The following RUVBL1 variants were observed in gnomAD, a reference collection of about 807,000 sequenced individuals.
RUVBL1 encodes the protein RuvB like AAA ATPase 1.
RUVBL1 carries 4 observed loss-of-function variants against 52.4 expected under a neutral mutation model. The observed-to-expected ratio is 0.08, with a 90% CI of 0.04 to 0.17. The LOEUF (loss-of-function observed/expected upper bound fraction) is 0.17. Ranked by LOEUF, RUVBL1 falls within the 10% of genes least tolerant of loss-of-function variation. The probability of loss-of-function intolerance (pLI) is 1.00; values close to 1 mark genes in which losing one functional copy is unlikely to be tolerated. For missense variants in RUVBL1, 298 were observed against 572.8 expected, an observed-to-expected ratio of 0.52 and a Z score of 4.90; for synonymous variants, 217 against 214.4, an observed-to-expected ratio of 1.01 and a Z score of -0.10.
chr3:128,090,932 A>C (rs916155887), intron 8 of RUVBL1, among the ~76,000 whole-genome samples: 1 of 152,216 alleles, frequency 6.6e-6, no homozygotes, highest in Non-Finnish European at 1.5e-5. Context: ...TTAAAGAAGA[A>C]AAGGTTAGAG....
Position 128,081,125 on chromosome 3 carries a change from C to T in RUVBL1, c.*125G>A. On this transcript the variant is annotated 3_prime_UTR_variant, in exon 11 of 11. Transcript: ENST00000322623. This position sits in a 1 kb window ranked among gnomAD's most constrained non-coding sequence, Gnocchi z 4.8. ...AAAAAGAAATGCTTTCCACACTGAA[C>T]TGACAGCGCTGCAGACCACGCCTGA... 1 of 881,130 alleles carries T rather than the reference C, an allele frequency of 1.1e-6. No homozygotes were observed. The highest frequency in any genetic ancestry group is 1.7e-6 in the Non-Finnish European group (1 of 574,148). 54.6% of individuals were successfully genotyped at this position (881,130 alleles called of 1,614,324 possible).
At chr3:128,112,495 C>T (rs965899921) in intron 3 of RUVBL1, among the ~76,000 whole-genome samples, 8 of 152,146 alleles carry the variant, frequency 5.3e-5, no homozygotes, top group African/African-American at 1.9e-4. Flanking sequence ...TCTTCTGGCT[C>T]GCCATCCAGG....
At chr3:128,101,753 T>C in intron 4 of RUVBL1, 105 bp from the exon 5 acceptor site, 3 of 1,153,894 alleles carry the variant, frequency 2.6e-6, no homozygotes, top group East Asian at 4.7e-5. Context: ...AGCAGGTGCA[T>C]GGAGAAAGCC....
chr3:128,072,970 C>G (rs967130382), intron 9 of RUVBL1, among the ~76,000 whole-genome samples: 1 of 152,210 alleles, frequency 6.6e-6, no homozygotes, highest in Non-Finnish European at 1.5e-5. Context: ...GTCCCAGCCA[C>G]TTCCTACATG....
In RUVBL1 at chr3:128,081,550, G is replaced by A; in HGVS notation, c.1212-141C>T. On this transcript the variant is annotated intron_variant, in intron 10 of 10. Transcript: ENST00000322623. This position sits in a 1 kb window ranked among gnomAD's most constrained non-coding sequence, Gnocchi z 4.8. Reference sequence around the variant, plus strand: ...GCCAGCTGCTACGAACACAGAAAAGGGGAGACAAAGTTGTCACTTCTCAGA... The same window carrying A: ...GCCAGCTGCTACGAACACAGAAAAGAGGAGACAAAGTTGTCACTTCTCAGA... 2 of 840,128 alleles carry A rather than the reference G, an allele frequency of 2.4e-6. No individual in the cohort carries two copies. Among genetic ancestry groups the A allele is most frequent in the Non-Finnish European group, 3.6e-6 (2 of 551,650 alleles). 52.0% of individuals were successfully genotyped at this position (840,128 alleles called of 1,614,324 possible). A position where few individuals can be genotyped will look rare whatever the true frequency, so the allele number is the denominator to read the frequency against.
chr3:128,134,764 G>A (rs568041120), intron 1 of RUVBL1, among the ~76,000 whole-genome samples: 9 of 151,636 alleles, frequency 5.9e-5, no homozygotes, highest in South Asian at 2.1e-4. Context: ...TTGCACCACC[G>A]CACTCCAGCC....
chr3:128,152,871 T>C (rs755900071), intron 1 of RUVBL1, among the ~76,000 whole-genome samples: 5 of 52,288 alleles, frequency 9.6e-5, no homozygotes, highest in Non-Finnish European at 2.0e-4. Flanking sequence ...CCAGCTTTTA[T>C]TCCCTTATTT....
At chr3:128,140,521 C>T (rs1944007399) in intron 1 of RUVBL1, among the ~76,000 whole-genome samples, 1 of 152,042 alleles carries the variant, frequency 6.6e-6, no homozygotes, top group Non-Finnish European at 1.5e-5. Flanking sequence ...TTGCTGACAC[C>T]TTATAGGTGG....
Position 128,067,848 on chromosome 3 carries a change from G to C in RUVBL1, c.940-2628C>G. The C allele has an allele frequency of 1.3e-6, 1 of 768,040 alleles. No homozygotes were observed. The highest frequency in any genetic ancestry group is 2.5e-5 in the East Asian group (1 of 40,626). 47.6% of individuals were successfully genotyped at this position (768,040 alleles called of 1,614,324 possible). A position where few individuals can be genotyped will look rare whatever the true frequency, so the allele number is the denominator to read the frequency against. ...TTAGACTTTTTCATATGACTTCCTT[G>C]CGGCAGTTTTAAAGTTCTCTGTATG... On this transcript the variant is annotated intron_variant, in intron 9 of 9. Coordinates refer to the RUVBL1 transcript ENST00000464873. The surrounding 1 kb of genome is among the most constrained non-coding windows in gnomAD (Gnocchi z 4.1).
At chr3:128,142,120 G>A (rs1428786414) in intron 1 of RUVBL1, 2 of 152,376 alleles carry the variant, frequency 1.3e-5, no homozygotes. Context: ...GTCCTCTGCT[G>A]GGAGCAGTGT....
intron 3 of RUVBL1, 46 bp downstream of exon 3, chr3:128,112,842 T>C: frequency 6.2e-7 from 1 of 1,602,218 alleles, no homozygotes; most frequent in Non-Finnish European, 8.5e-7. Context: ...GTGCACAGGC[T>C]TCAGGAAGTG....
downstream of RUVBL1, among the ~76,000 whole-genome samples, chr3:128,076,903 AGCT>A (rs1942345616): frequency 1.3e-5 from 2 of 152,088 alleles, no homozygotes; most frequent in South Asian, 4.1e-4. This position sits in a 1 kb window ranked among gnomAD's most constrained non-coding sequence, Gnocchi z 6.8. Context: ...CCCTCCCCGC[AGCT>A]GCCGGCGTCC....
intron 9 of RUVBL1, among the ~76,000 whole-genome samples, chr3:128,074,027 G>GACTTA (rs1553723420): frequency 6.6e-6 from 1 of 151,978 alleles, no homozygotes. Context: ...GTGACTAATA[G>GACTTA]ACTACATCAG....
chr3:128,151,672 C>T (rs983130744), intron 1 of RUVBL1, among the ~76,000 whole-genome samples: 28 of 152,052 alleles, frequency 1.8e-4, no homozygotes, highest in African/African-American at 6.0e-4. Flanking sequence ...CACAAGGGCC[C>T]GCTCTCATGA....
At chr3:128,150,586 GAATA>G (rs1406291719) in intron 1 of RUVBL1, among the ~76,000 whole-genome samples, 18 of 137,482 alleles carry the variant, frequency 1.3e-4, no homozygotes, top group African/African-American at 3.2e-4. Context: ...ATATTCCACA[GAATA>G]TATATATTTG....
Position 128,081,514 on chromosome 3 carries a change from G to T in RUVBL1, c.1212-105C>A, listed in dbSNP as rs1942475482. ...ACTGGCACCAGGAGCAGAGCCCAGT[G>T]CTGGGCTTGTGCCAGCTGCTACGAA... On this transcript the variant is annotated intron_variant, in intron 10 of 10. Transcript: ENST00000322623. This position sits in a 1 kb window ranked among gnomAD's most constrained non-coding sequence, Gnocchi z 4.8. 8.2e-7 allele frequency: 1 copy of T among 1,217,552 alleles called. No individual in the cohort carries two copies. Among genetic ancestry groups the T allele is most frequent in the Admixed American group, 2.6e-5 (1 of 38,426 alleles). 75.4% of individuals were successfully genotyped at this position (1,217,552 alleles called of 1,614,324 possible).
chr3:128,130,855 T>C (rs1648172060), intron 1 of RUVBL1, among the ~76,000 whole-genome samples: 1 of 151,934 alleles, frequency 6.6e-6, no homozygotes, highest in Non-Finnish European at 1.5e-5. Flanking sequence ...TTTCACCGTG[T>C]TATCCAGGAT....
intron 3 of RUVBL1, among the ~76,000 whole-genome samples, chr3:128,110,992 C>T (rs1272533626): frequency 2.6e-5 from 4 of 151,646 alleles, no homozygotes; most frequent in South Asian, 2.1e-4. Flanking sequence ...TCTGGGAGGC[C>T]GAGGCAGGTG....
intron 1 of RUVBL1, among the ~76,000 whole-genome samples, chr3:128,146,267 A>G (rs1350389071): frequency 1.3e-5 from 2 of 151,996 alleles, no homozygotes; most frequent in African/African-American, 4.8e-5. Context: ...GGAAGGTAGC[A>G]TGGTGTGTGT....
Sources: allele counts gnomAD v4.1 joint callset (sites outside exome capture counted in the v4.1 genomes callset), GRCh38; gene constraint gnomAD v4.1.1; non-coding constraint Gnocchi (gnomAD v3.1); transcripts MANE v1.5; gene names NCBI Gene and HGNC (gene_info 2026-07-23, HGNC 2026-07-21).